The following RBFOX1 variants were observed in gnomAD, a reference collection of about 807,000 sequenced individuals.
RBFOX1 encodes RNA binding protein fox-1 homolog 1.
Under a neutral mutation model 57.7 loss-of-function variants are expected in RBFOX1, and 8 were observed. The ratio of observed to expected loss-of-function variants is 0.14; its 90% confidence interval spans 0.08 to 0.25. The LOEUF is 0.25. Among genes scored for constraint, RBFOX1 ranks in the 10% least tolerant of loss-of-function variants. The pLI is 1.00. For synonymous variants in RBFOX1, 326 were observed against 222.4 expected, an observed-to-expected ratio of 1.47 and a Z score of -4.15; for missense variants, 611 against 548.5, an observed-to-expected ratio of 1.11 and a Z score of -1.14.
intron 2 of RBFOX1, among the ~76,000 whole-genome samples, chr16:6,502,175 G>T (rs537581071): frequency 3.9e-5 from 6 of 152,284 alleles, no homozygotes; most frequent in African/African-American, 1.2e-4. Context: ...AGGATGTAGA[G>T]AAATTTTGTG....
At chr16:6,597,712 G>A (rs2097791138) in intron 2 of RBFOX1, among the ~76,000 whole-genome samples, 1 of 151,996 alleles carries the variant, frequency 6.6e-6, no homozygotes, top group African/African-American at 2.4e-5. Flanking sequence ...ACCCAATTCT[G>A]GCTGCTGAAA....
chr16:7,030,889 G>A (rs890447616), intron 3 of RBFOX1, among the ~76,000 whole-genome samples: 49 of 152,214 alleles, frequency 3.2e-4, no homozygotes, highest in African/African-American at 1.2e-3. Context: ...ATAGGGAAAT[G>A]AATCCAATCC....
At position 6,596,955 on chromosome 16, in the gene RBFOX1, C is replaced by T. The variant is rs76803454; in HGVS notation, c.-63-57648C>T. Among the ~76,000 whole-genome samples, 231 of 152,264 alleles carry T rather than the reference C, an allele frequency of 1.5e-3. 5 individuals carry two copies. The East Asian group carries it at 0.04, about 26-fold the overall frequency. On this transcript the variant is annotated intron_variant, in intron 2 of 15. Coordinates refer to ENST00000550418, the MANE Select transcript of RBFOX1 (RefSeq NM_018723.4). ...TAAGTTAGGCAGCCCCTGGTTTCTG[C>T]CACTAGCACAGCTTTCTGAATGAAT...
chr16:6,714,146 C>T (rs718971), intron 3 of RBFOX1, among the ~76,000 whole-genome samples: 4 of 151,936 alleles, frequency 2.6e-5, no homozygotes, highest in Admixed American at 2.0e-4. Context: ...TGCACTCTCA[C>T]GCTCTCTCTC....
At chr16:6,643,485 T>C (rs1355932362) in intron 2 of RBFOX1, among the ~76,000 whole-genome samples, 1 of 152,200 alleles carries the variant, frequency 6.6e-6, no homozygotes, top group Non-Finnish European at 1.5e-5. Context: ...CTCTGAAGAA[T>C]TCTGCTGAAA....
chr16:5,833,327 A>G (rs568148356), intron 3 of RBFOX1, among the ~76,000 whole-genome samples: 20 of 152,034 alleles, frequency 1.3e-4, no homozygotes, highest in Non-Finnish European at 2.8e-4. Flanking sequence ...CCCCATCTCT[A>G]CTAAAAATAT....
intron 4 of RBFOX1, among the ~76,000 whole-genome samples, chr16:7,357,854 T>C (rs561052431): frequency 7.9e-5 from 12 of 152,346 alleles, no homozygotes; most frequent in African/African-American, 2.9e-4. Flanking sequence ...TTCTTTTCCA[T>C]TCATGGAAGA....
intron 3 of RBFOX1, among the ~76,000 whole-genome samples, chr16:6,928,236 A>T (rs1158735222): frequency 6.6e-6 from 1 of 152,190 alleles, no homozygotes; most frequent in East Asian, 1.9e-4. Context: ...TTCTGATTTA[A>T]TTGGTCTGAG....
intron 4 of RBFOX1, among the ~76,000 whole-genome samples, chr16:7,485,336 TTGCTTATA>T (rs1266855603): frequency 2.6e-5 from 4 of 152,382 alleles, no homozygotes; most frequent in Non-Finnish European, 4.4e-5. Context: ...CTATGCGCTG[TTGCTTATA>T]CATTTCTGGA....
chr16:5,479,674 G>A (rs973498372), intron 2 of RBFOX1, among the ~76,000 whole-genome samples: 9 of 151,990 alleles, frequency 5.9e-5, no homozygotes, highest in African/African-American at 1.2e-4. Context: ...CAGGAGAATC[G>A]CTTGAACCCA....
chr16:6,185,447 G>A (rs1398114702), intron 1 of RBFOX1, among the ~76,000 whole-genome samples: 1 of 152,198 alleles, frequency 6.6e-6, no homozygotes, highest in Non-Finnish European at 1.5e-5. Context: ...GAAGTTCAGA[G>A]GGGTTAAAGC....
At chr16:6,368,464 T>C (rs888517625) in intron 2 of RBFOX1, among the ~76,000 whole-genome samples, 3 of 152,190 alleles carry the variant, frequency 2.0e-5, no homozygotes, top group African/African-American at 7.2e-5. Flanking sequence ...ATCGTGCTGG[T>C]TCCTAATGTA....
At chr16:6,851,933 T>G (rs918204373) in intron 3 of RBFOX1, among the ~76,000 whole-genome samples, 5 of 151,190 alleles carry the variant, frequency 3.3e-5, no homozygotes, top group African/African-American at 1.2e-4. Context: ...TGGGTTTTTT[T>G]TTTTTTTCTT....
intron 1 of RBFOX1, among the ~76,000 whole-genome samples, chr16:6,265,525 G>T (rs2074372613): frequency 1.3e-5 from 2 of 152,146 alleles, no homozygotes; most frequent in Admixed American, 1.3e-4. Context: ...GCCTCCCAGA[G>T]TGCTGGGATT....
chr16:5,983,972 CTCT>C (rs1237592795), intron 4 of RBFOX1, among the ~76,000 whole-genome samples: 3 of 134,066 alleles, frequency 2.2e-5, no homozygotes, highest in East Asian at 2.4e-4. Context: ...TTCCTTCTTC[CTCT>C]TCTTCTTCCT....
At chr16:5,619,773 G>C (rs1034909) in intron 3 of RBFOX1, among the ~76,000 whole-genome samples, 7,637 of 152,122 alleles carry the variant, frequency 0.05, 664 homozygotes, top group African/African-American at 0.17. Flanking sequence ...CTCTGTACTT[G>C]GGCTCACCTC....
At chr16:7,427,533 G>C (rs1479937383) in intron 4 of RBFOX1, among the ~76,000 whole-genome samples, 3 of 152,146 alleles carry the variant, frequency 2.0e-5, no homozygotes, top group Non-Finnish European at 4.4e-5. Flanking sequence ...ACCAACTTCT[G>C]AGACATTAGG....
chr16:7,573,258 G>A (rs2092975397), intron 5 of RBFOX1, among the ~76,000 whole-genome samples: 1 of 152,106 alleles, frequency 6.6e-6, no homozygotes, highest in Non-Finnish European at 1.5e-5. Flanking sequence ...AAAGCAAAGA[G>A]GCCAACAAGC....
chr16:7,022,355 C>T (rs2039562492), intron 3 of RBFOX1, among the ~76,000 whole-genome samples: 1 of 151,674 alleles, frequency 6.6e-6, no homozygotes, highest in Non-Finnish European at 1.5e-5. Flanking sequence ...TGCACCTGGC[C>T]GTGAACCCCA....
Sources: gnomAD v4.1 joint callset for allele counts (sites outside exome capture counted in the v4.1 genomes callset) on GRCh38, gnomAD v4.1.1 for gene constraint, MANE v1.5 for transcripts, NCBI Gene and HGNC (gene_info 2026-07-23, HGNC 2026-07-21) for gene names.